Variants in DBT observed in about 807,000 individuals in gnomAD.
DBT encodes dihydrolipoamide branched chain transacylase E2.
In DBT, 40 loss-of-function variants were observed where a neutral mutation model predicts 51.3. The observed-to-expected ratio is 0.78, with a 90% CI of 0.61 to 1.02. The LOEUF is 1.02. Ranked by LOEUF, DBT falls within the 50% of genes least tolerant of loss-of-function variation. The pLI is 0.00. For missense variants in DBT, 510 were observed against 580.2 expected (o/e 0.88, Z 1.24); for synonymous variants, 181 against 190.4 (o/e 0.95, Z 0.41).
At chr1:100,214,211 C>T (rs961225623) in intron 7 of DBT, among the ~76,000 whole-genome samples, 2 of 152,166 alleles carry the variant, frequency 1.3e-5, no homozygotes, top group Non-Finnish European at 2.9e-5. Flanking sequence ...TATCAAGTCT[C>T]ATTTTAGTTC....
At chr1:100,246,421 T>C (rs1664545342) in intron 1 of DBT, among the ~76,000 whole-genome samples, 1 of 152,166 alleles carries the variant, frequency 6.6e-6, no homozygotes, top group Non-Finnish European at 1.5e-5. Context: ...GTACTGGACT[T>C]GGAAATGCAA....
chr1:100,211,814 T>C (rs1662162421), intron 7 of DBT, among the ~76,000 whole-genome samples: 1 of 152,184 alleles, frequency 6.6e-6, no homozygotes, highest in Non-Finnish European at 1.5e-5. Flanking sequence ...CTTTGTCACC[T>C]AGGCTGCAGT....
Position 100,229,292 on chromosome 1 carries a change from C to T in DBT, c.433+1441G>A, listed in dbSNP as rs531070235. Among the ~76,000 whole-genome samples, 85 of 152,230 alleles carry T rather than the reference C, an allele frequency of 5.6e-4. 1 individual carries two copies. In the East Asian group the frequency reaches 0.015, roughly 26 times the overall value. ...AAGCGATTCTCCTGCCTCAGCCTCC[C>T]GAGTAGCTGGGACTACAGGCACGCA... On this transcript the variant is annotated intron_variant, in intron 4 of 10. Coordinates refer to ENST00000370132, the MANE Select transcript of DBT (RefSeq NM_001918.5).
At chr1:100,211,016 G>A in intron 7 of DBT, 1 of 767,008 alleles carries the variant, frequency 1.3e-6, no homozygotes, top group Non-Finnish European at 2.3e-6. Flanking sequence ...ACATCAAGGA[G>A]ATTTTCAAAA....
intron 5 of DBT, 81 bp from the exon 6 acceptor site, chr1:100,216,280 T>A: frequency 1.0e-6 from 1 of 958,522 alleles, no homozygotes; most frequent in East Asian, 2.5e-5. Context: ...TTTGATCAAC[T>A]GACAGTAAAA....
chr1:100,229,668 A>C (rs1663424698), intron 4 of DBT, among the ~76,000 whole-genome samples: 2 of 152,210 alleles, frequency 1.3e-5, no homozygotes, highest in African/African-American at 4.8e-5. Context: ...TTACAGTGAG[A>C]TATCTTTATC....
rs1254687851 is a variant in DBT, at chr1:100,188,899, A to T, written c.*7356T>A. 1.3e-5 allele frequency: 2 copies of T among 152,342 alleles called. No individual in the cohort carries two copies. Among genetic ancestry groups the T allele is most frequent in the Admixed American group, 6.5e-5 (1 of 15,302 alleles). 9.4% of individuals were successfully genotyped at this position (152,342 alleles called of 1,614,324 possible). On this transcript the variant is annotated 3_prime_UTR_variant, in exon 11 of 11. Transcript: ENST00000370132. ...AGTTCTCTCACACGGTCTGGCTAGC[A>T]CAGTAATTTGCTTGTGGTTAAAAGC...
chr1:100,239,874 A>C (rs1412000201), intron 2 of DBT, among the ~76,000 whole-genome samples: 1 of 85,626 alleles, frequency 1.2e-5, no homozygotes, highest in African/African-American at 3.4e-5. Context: ...AAAAAAAAAA[A>C]AAAAAAAAAA....
chr1:100,242,678 C>T (rs887724034), intron 1 of DBT, among the ~76,000 whole-genome samples: 4 of 152,180 alleles, frequency 2.6e-5, no homozygotes, highest in African/African-American at 7.2e-5. Context: ...CTTGCTTTCT[C>T]CTTCAGCTCC....
intron 8 of DBT, among the ~76,000 whole-genome samples, chr1:100,209,414 G>C (rs1361427050): frequency 6.6e-6 from 1 of 151,346 alleles, no homozygotes; most frequent in South Asian, 2.1e-4. Flanking sequence ...TCATTTTCTT[G>C]CCTGAAATTT....
chr1:100,215,692 T>C (rs1662431998), intron 6 of DBT, among the ~76,000 whole-genome samples: 1 of 151,972 alleles, frequency 6.6e-6, no homozygotes, highest in Non-Finnish European at 1.5e-5. Flanking sequence ...CATGGTGGCG[T>C]GCACCTGTAA....
intron 4 of DBT, 32 bp from the exon 5 acceptor site, chr1:100,218,779 A>C: frequency 6.2e-7 from 1 of 1,604,704 alleles, no homozygotes; most frequent in Non-Finnish European, 8.5e-7. Context: ...ACTTCAGTTG[A>C]AAAAAAATTT....
chr1:100,200,677 G>A (rs926861672), intron 10 of DBT, among the ~76,000 whole-genome samples: 1 of 152,160 alleles, frequency 6.6e-6, no homozygotes, highest in Admixed American at 6.5e-5. Context: ...CATCTGGCAG[G>A]TGCCCCTCTG....
chr1:100,229,198 T>C (rs4908048), intron 4 of DBT, among the ~76,000 whole-genome samples: 119,827 of 151,108 alleles, frequency 0.79, 48,862 homozygotes, highest in East Asian at 0.95. Context: ...GATGGAGTCT[T>C]GCTCTGTCAC....
At position 100,187,402 on chromosome 1, in the gene DBT, A is replaced by G. The variant is rs72973746; in HGVS notation, c.*8853T>C. The G allele has an allele frequency of 1.6e-3, 243 of 152,356 alleles. No homozygotes were observed. Among genetic ancestry groups the G allele is most frequent in the African/African-American group, 5.6e-3 (234 of 41,588 alleles). 9.4% of individuals were successfully genotyped at this position (152,356 alleles called of 1,614,324 possible). A position where few individuals can be genotyped will look rare whatever the true frequency, so the allele number is the denominator to read the frequency against. On this transcript the variant is annotated 3_prime_UTR_variant, in exon 11 of 11. Coordinates refer to ENST00000370132, the MANE Select transcript of DBT (RefSeq NM_001918.5). Reference sequence around the variant, plus strand: ...CATCCCACTTTTATTTTTATGCACTACTTTTAGTTCTGCAGAAATAAAAGC... The same window carrying G: ...CATCCCACTTTTATTTTTATGCACTGCTTTTAGTTCTGCAGAAATAAAAGC...
intron 10 of DBT, 67 bp downstream of exon 10, chr1:100,206,163 T>C (rs1661768856): frequency 9.7e-7 from 1 of 1,032,582 alleles, no homozygotes. Flanking sequence ...TAGAAATGGT[T>C]ACTCTTCATT....
intron 4 of DBT, among the ~76,000 whole-genome samples, chr1:100,224,351 TTTC>T (rs976341037): frequency 5.3e-5 from 8 of 152,230 alleles, no homozygotes; most frequent in Non-Finnish European, 7.3e-5. Flanking sequence ...TTTAGAAATC[TTTC>T]TTATTTCCAC....
chr1:100,241,272 C>T (rs1206339661), intron 1 of DBT, among the ~76,000 whole-genome samples: 3 of 151,638 alleles, frequency 2.0e-5, no homozygotes, highest in Non-Finnish European at 4.4e-5. Context: ...TTACATAGTA[C>T]CTTAGTATAA....
intron 2 of DBT, among the ~76,000 whole-genome samples, chr1:100,238,778 CTG>C (rs1230422311): frequency 6.6e-6 from 1 of 152,090 alleles, no homozygotes; most frequent in Admixed American, 6.6e-5. Context: ...TTGTAGAAGA[CTG>C]AGTTTTGGGG....
Sources: allele counts gnomAD v4.1 joint callset (sites outside exome capture counted in the v4.1 genomes callset), GRCh38; gene constraint gnomAD v4.1.1; transcripts MANE v1.5; gene names NCBI Gene and HGNC (gene_info 2026-07-23, HGNC 2026-07-21).